FTO: variants seen among roughly 807,000 people sequenced by gnomAD.
FTO encodes the protein alpha-ketoglutarate-dependent dioxygenase FTO.
FTO carries 47 observed loss-of-function variants against 63.9 expected under a neutral mutation model. The observed-to-expected ratio is 0.74, with a 90% CI of 0.58 to 0.94. The LOEUF is 0.94. Ranked by LOEUF, FTO falls within the 40% of genes least tolerant of loss-of-function variation. The probability of loss-of-function intolerance (pLI) is 0.00; values close to 1 mark genes in which losing one functional copy is unlikely to be tolerated. For missense variants in FTO, 562 were observed against 618.1 expected (o/e 0.91, Z 0.96); for synonymous variants, 207 against 224.4 (o/e 0.92, Z 0.69).
At chr16:53,852,097 A>G (rs1036416160) in intron 4 of FTO, among the ~76,000 whole-genome samples, 6 of 144,706 alleles carry the variant, frequency 4.1e-5, no homozygotes, top group African/African-American at 1.3e-4. Flanking sequence ...CTCTACAAAA[A>G]ATACAAAAAA....
chr16:53,758,665 A>G (rs992729977), intron 1 of FTO, among the ~76,000 whole-genome samples: 5 of 152,212 alleles, frequency 3.3e-5, no homozygotes, highest in Non-Finnish European at 5.9e-5. Context: ...TTGAACATCC[A>G]GGAATGCCTC....
chr16:53,789,248 C>T (rs964039614), intron 1 of FTO, among the ~76,000 whole-genome samples: 2 of 152,160 alleles, frequency 1.3e-5, no homozygotes, highest in African/African-American at 4.8e-5. Context: ...GCAAAATATT[C>T]AGAGGATATA....
At chr16:53,761,772 C>T (rs1333017180) in intron 1 of FTO, among the ~76,000 whole-genome samples, 2 of 152,120 alleles carry the variant, frequency 1.3e-5, no homozygotes, top group Non-Finnish European at 2.9e-5. Flanking sequence ...TATGGAGTCT[C>T]TGTGAACCTA....
At chr16:54,018,532 C>T (rs1352738192) in intron 8 of FTO, among the ~76,000 whole-genome samples, 1 of 152,134 alleles carries the variant, frequency 6.6e-6, no homozygotes, top group African/African-American at 2.4e-5. Flanking sequence ...GCTGTGTCCC[C>T]ACCCAAATCT....
chr16:53,742,734 C>T (rs1428663660), intron 1 of FTO, among the ~76,000 whole-genome samples: 2 of 152,164 alleles, frequency 1.3e-5, no homozygotes, highest in African/African-American at 4.8e-5. Flanking sequence ...CTGAGTTAAT[C>T]TTCATCATAA....
intron 6 of FTO, among the ~76,000 whole-genome samples, chr16:53,884,867 G>C (rs1243875537): frequency 6.6e-6 from 1 of 152,202 alleles, no homozygotes; most frequent in Non-Finnish European, 1.5e-5. Flanking sequence ...AACCCTGAGA[G>C]CTCCTGCAGG....
At chr16:53,865,615 T>G (rs1239241951) in intron 4 of FTO, among the ~76,000 whole-genome samples, 1 of 152,168 alleles carries the variant, frequency 6.6e-6, no homozygotes, top group Non-Finnish European at 1.5e-5. Flanking sequence ...TCCTATTGTC[T>G]TTTCCTAGAA....
intron 8 of FTO, among the ~76,000 whole-genome samples, chr16:54,041,560 C>G (rs2085075520): frequency 6.6e-6 from 1 of 152,076 alleles, no homozygotes; most frequent in Admixed American, 6.5e-5. Context: ...TCATATAGGT[C>G]TAAGGAAGGA....
intron 8 of FTO, among the ~76,000 whole-genome samples, chr16:54,025,359 T>C (rs1447905174): frequency 2.0e-5 from 3 of 152,222 alleles, no homozygotes; most frequent in Non-Finnish European, 4.4e-5. Flanking sequence ...AACTAAATGA[T>C]TGTAGACACC....
intron 6 of FTO, among the ~76,000 whole-genome samples, chr16:53,885,000 C>T (rs2080961634): frequency 6.6e-6 from 1 of 152,214 alleles, no homozygotes. Flanking sequence ...TATGAGCATC[C>T]TTTGGCGGCC....
chr16:53,712,930 A>T (rs2075809426), intron 1 of FTO, among the ~76,000 whole-genome samples: 1 of 152,088 alleles, frequency 6.6e-6, no homozygotes, highest in Non-Finnish European at 1.5e-5. Context: ...TAGTCTCCAA[A>T]AAAGTAGAGA....
At chr16:53,971,860 C>A (rs573770543) in intron 8 of FTO, among the ~76,000 whole-genome samples, 1 of 152,284 alleles carries the variant, frequency 6.6e-6, no homozygotes, top group East Asian at 1.9e-4. Context: ...AAATCCCATC[C>A]GCGCTGTTCT....
At chr16:53,910,602 T>C (rs2081663818) in intron 7 of FTO, among the ~76,000 whole-genome samples, 1 of 152,136 alleles carries the variant, frequency 6.6e-6, no homozygotes, top group Non-Finnish European at 1.5e-5. Flanking sequence ...AGTGGTGTGA[T>C]CTCTGCTCAC....
chr16:53,734,923 C>G (rs1392870866), intron 1 of FTO, among the ~76,000 whole-genome samples: 1 of 152,170 alleles, frequency 6.6e-6, no homozygotes, highest in Non-Finnish European at 1.5e-5. Context: ...TTGGCCAGAT[C>G]TGGATTTGTT....
intron 1 of FTO, among the ~76,000 whole-genome samples, chr16:53,800,666 A>G (rs1435226719): frequency 6.6e-6 from 1 of 152,108 alleles, no homozygotes; most frequent in African/African-American, 2.4e-5. Context: ...TATTAGGTGT[A>G]TATATGTTTA....
At chr16:54,057,831 C>T (rs985188661) in intron 8 of FTO, among the ~76,000 whole-genome samples, 3 of 152,132 alleles carry the variant, frequency 2.0e-5, no homozygotes, top group South Asian at 4.2e-4. Flanking sequence ...GGCCCAGCTG[C>T]GTCCACCAAC....
intron 8 of FTO, among the ~76,000 whole-genome samples, chr16:53,950,679 C>T (rs2082774169): frequency 6.6e-6 from 1 of 152,340 alleles, no homozygotes; most frequent in East Asian, 1.9e-4. Context: ...CGGTAACTTA[C>T]AGCTTGCATT....
intron 8 of FTO, among the ~76,000 whole-genome samples, chr16:53,938,681 A>G (rs1325762925): frequency 2.0e-5 from 3 of 152,246 alleles, no homozygotes; most frequent in Non-Finnish European, 4.4e-5. Flanking sequence ...TGTGGAAGGC[A>G]GTGGCAGGGA....
At chr16:54,026,157 T>A (rs1477842355) in intron 8 of FTO, among the ~76,000 whole-genome samples, 1 of 152,214 alleles carries the variant, frequency 6.6e-6, no homozygotes, top group African/African-American at 2.4e-5. Context: ...CAGGATTTAT[T>A]TTCCTTCATC....
Sources: allele counts gnomAD v4.1 joint callset (sites outside exome capture counted in the v4.1 genomes callset), GRCh38; gene constraint gnomAD v4.1.1; transcripts MANE v1.5; gene names NCBI Gene and HGNC (gene_info 2026-07-23, HGNC 2026-07-21).